Variants in ABCA10 observed in about 807,000 individuals in gnomAD.
ABCA10 encodes the protein ATP binding cassette subfamily A member 10, also known as ATP-binding cassette sub-family A member 10.
ABCA10 carries 169 observed loss-of-function variants against 187.5 expected under a neutral mutation model. That is an observed-to-expected ratio of 0.90 (90% CI 0.80 to 1.02). ABCA10 has a LOEUF of 1.02. ABCA10 is among the 50% of genes least tolerant of loss of function. The probability of loss-of-function intolerance (pLI) is 0.00; values close to 1 mark genes in which losing one functional copy is unlikely to be tolerated. For synonymous variants in ABCA10, 574 were observed against 601.8 expected (o/e 0.95, Z 0.68); for missense variants, 1,727 against 1,812.4 (o/e 0.95, Z 0.86).
At chr17:69,223,467 G>A (rs981759826) in intron 3 of ABCA10, among the ~76,000 whole-genome samples, 20 of 152,150 alleles carry the variant, frequency 1.3e-4, no homozygotes, top group Admixed American at 1.2e-3. Context: ...GTGTTTAATA[G>A]ATCTATTACT....
Position 69,156,845 on chromosome 17 carries a change from CT to C in ABCA10, c.3441del (p.Asp1148ThrfsTer49). On this transcript the variant is annotated frameshift_variant, in exon 28 of 39. Transcript: ENST00000690296. LOFTEE classifies it high-confidence loss of function. ...EMKYGNEIMNKDPVFRISPRS... is the reference protein window; with the variant it reads ...EMKYGNEIMNXDPVFRISPRS... ...TATTTTCCCAACCTGAAAACTGGGT[CT>C]TTATTCATTATTTCATTTCCATACT... 6.3e-7 allele frequency: 1 copy of C among 1,574,914 alleles called. No individual in the cohort carries two copies. The highest frequency in any genetic ancestry group is 8.6e-7 in the Non-Finnish European group (1 of 1,157,470).
chr17:69,162,047 A>G (rs1406374419), intron 27 of ABCA10, among the ~76,000 whole-genome samples: 2 of 152,256 alleles, frequency 1.3e-5, no homozygotes, highest in East Asian at 3.8e-4. Context: ...TAGTCAAATC[A>G]CAGACATCTC....
intron 22 of ABCA10, 84 bp from the exon 23 acceptor site, chr17:69,175,597 G>T: frequency 8.9e-7 from 1 of 1,120,034 alleles, no homozygotes. Context: ...AGGAAATAAA[G>T]AAAAACTCTA....
chr17:69,210,847 C>CACATATATATATATATATAT (rs1169352704), intron 9 of ABCA10, among the ~76,000 whole-genome samples: 2 of 37,894 alleles, frequency 5.3e-5, no homozygotes, highest in African/African-American at 1.2e-4. Flanking sequence ...ATTTATGCCA[C>CACATATATATATATATATAT]ATATATATAT....
intron 28 of ABCA10, among the ~76,000 whole-genome samples, chr17:69,156,457 T>G (rs773325859): frequency 1.2e-4 from 19 of 152,170 alleles, no homozygotes; most frequent in Non-Finnish European, 2.4e-4. Flanking sequence ...TTTCTTTTTC[T>G]GAAAATAGCA....
chr17:69,153,886 A>G lies in ABCA10; in HGVS notation c.3910T>C (p.Leu1304=), dbSNP rs1235485472. The change falls in exon 32 of 39, where the codon TTG becomes CTG. Residue 1304 remains leucine (L), a synonymous_variant. Coordinates refer to ENST00000690296, the MANE Select transcript of ABCA10 (RefSeq NM_001377321.1). The part of the protein sequence containing the change: ...PKLTMKEHLE[L]YAAVKGLGKE... ...CCCAGTCCTTTCACAGCTGCATACA[A>G]CTCCAAGTGCTCTTTCATTGTAAGC... The G allele has an allele frequency of 6.2e-7, 1 of 1,614,032 alleles. No homozygotes were observed. The highest frequency in any genetic ancestry group is 8.5e-7 in the Non-Finnish European group (1 of 1,179,968).
chr17:69,222,077 A>C (rs2074752919), intron 4 of ABCA10, among the ~76,000 whole-genome samples, 182 bp from the exon 5 acceptor site: 1 of 152,170 alleles, frequency 6.6e-6, no homozygotes, highest in African/African-American at 2.4e-5. Context: ...ATATGATGGC[A>C]GGGGCAGTGG....
At chr17:69,213,990 T>C (rs1270636852) in intron 9 of ABCA10, among the ~76,000 whole-genome samples, 3 of 152,214 alleles carry the variant, frequency 2.0e-5, no homozygotes, top group Non-Finnish European at 4.4e-5. Context: ...ATTTTTGAGA[T>C]TCGGAAGAAC....
At chr17:69,166,206 T>C (rs946795046) in intron 25 of ABCA10, among the ~76,000 whole-genome samples, 1 of 152,166 alleles carries the variant, frequency 6.6e-6, no homozygotes, top group Non-Finnish European at 1.5e-5. Context: ...AAAAGTGGCT[T>C]CTCATGGTTC....
rs763730655 is a variant in ABCA10 at position 69,153,359 on chromosome 17, AC to A, written c.4081del (p.Val1361CysfsTer3). 5.4e-5 allele frequency: 87 copies of A among 1,613,554 alleles called. No individual in the cohort carries two copies. The highest frequency in any genetic ancestry group is 5.9e-5 in the Non-Finnish European group (70 of 1,179,774). On this transcript the variant is annotated frameshift_variant, in exon 34 of 39. Transcript: ENST00000690296. LOFTEE classifies it high-confidence loss of function. ...VLSILGNPSV[V>X]LLDEPFTGMD... ...CCCGGTGAACGGCTCATCTAGAAGC[AC>A]CACTGATGGGTTCCCCAGGATGCTC...
intron 10 of ABCA10, 62 bp downstream of exon 10, chr17:69,201,438 T>C: frequency 1.5e-6 from 2 of 1,341,992 alleles, no homozygotes; most frequent in Non-Finnish European, 2.0e-6. Flanking sequence ...ACATTTGACC[T>C]GCAGCTTCAT....
intron 25 of ABCA10, among the ~76,000 whole-genome samples, chr17:69,172,636 T>C (rs1295858758): frequency 1.3e-5 from 2 of 151,800 alleles, no homozygotes; most frequent in Admixed American, 6.6e-5. Flanking sequence ...TAATAAAATA[T>C]AGATTATGAC....
At chr17:69,172,040 T>TAA (rs2074302326) in intron 25 of ABCA10, among the ~76,000 whole-genome samples, 1 of 151,932 alleles carries the variant, frequency 6.6e-6, no homozygotes, top group South Asian at 2.1e-4. Flanking sequence ...ACACAAATCT[T>TAA]TTTTAAGTTC....
At chr17:69,174,826 T>C (rs1939672762) in intron 23 of ABCA10, 49 bp from the exon 24 acceptor site, 2 of 1,439,902 alleles carry the variant, frequency 1.4e-6, no homozygotes, top group South Asian at 1.7e-5. Context: ...TTTGAAAAGA[T>C]TTTGTGGTTA....
upstream of ABCA10, among the ~76,000 whole-genome samples, chr17:69,229,681 A>C (rs1178195253): frequency 6.6e-6 from 1 of 151,648 alleles, no homozygotes; most frequent in East Asian, 2.0e-4. Flanking sequence ...GGTTCCTTTA[A>C]TTGTAAATGT....
At position 69,225,466 on chromosome 17, in the gene ABCA10, TA is replaced by T. The variant is rs1335359578; in HGVS notation, c.-109del. 1.7e-6 allele frequency: 2 copies of T among 1,157,470 alleles called. No individual in the cohort carries two copies. The highest frequency in any genetic ancestry group is 3.1e-5 in the African/African-American group (2 of 64,912). The allele number at this position is 1,157,470 out of a possible 1,614,324, so 71.7% of individuals were successfully genotyped here. On this transcript the variant is annotated 5_prime_UTR_variant, in exon 3 of 39. The change abolishes the stop of an existing upstream ORF in the 5' untranslated region. Transcript: ENST00000690296. ...TTAGGAGGTTGTTCAGGAAAACGGG[TA>T]GCTCTGAAGTGTTCCGAAAAGATGC...
At chr17:69,179,982 TGTCTTTACA>T (rs1175894689) in intron 22 of ABCA10, among the ~76,000 whole-genome samples, 1 of 152,224 alleles carries the variant, frequency 6.6e-6, no homozygotes, top group Non-Finnish European at 1.5e-5. Context: ...ATAATTTTTA[TGTCTTTACA>T]GTAATGAAGA....
chr17:69,191,657 A>ATG (rs138548677), intron 16 of ABCA10, among the ~76,000 whole-genome samples: 114,224 of 151,922 alleles, frequency 0.75, 43,564 homozygotes, highest in African/African-American at 0.86. Flanking sequence ...AAGTTATTTT[A>ATG]TGTGTGTGTA....
intron 9 of ABCA10, among the ~76,000 whole-genome samples, chr17:69,214,233 C>A (rs1018019336): frequency 1.3e-5 from 2 of 152,268 alleles, no homozygotes; most frequent in South Asian, 4.1e-4. Context: ...TGATTCAGTT[C>A]GGCCGGGCGC....
Sources: gnomAD v4.1 joint callset for allele counts (sites outside exome capture counted in the v4.1 genomes callset) on GRCh38, gnomAD v4.1.1 for gene constraint, MANE v1.5 for transcripts, NCBI Gene and HGNC (gene_info 2026-07-23, HGNC 2026-07-21) for gene names.